The following IP6K1 variants were observed in gnomAD, a reference collection of about 807,000 sequenced individuals.
The protein encoded by IP6K1 is ATP:1D-myo-inositol-hexakisphosphate phosphotransferase.
IP6K1 carries 13 observed loss-of-function variants against 38.3 expected under a neutral mutation model. The observed-to-expected ratio is 0.34, with a 90% confidence interval of 0.22 to 0.54. The LOEUF (loss-of-function observed/expected upper bound fraction) is 0.54, where lower values mean the gene tolerates loss of function less well. Ranked by LOEUF, IP6K1 falls within the 20% of genes least tolerant of loss-of-function variation. IP6K1 has a pLI of 0.92. For missense variants in IP6K1, 397 were observed against 599.8 expected, an observed-to-expected ratio of 0.66 and a Z score of 3.53; for synonymous variants, 212 against 229.9, an observed-to-expected ratio of 0.92 and a Z score of 0.70.
intron 5 of IP6K1, 69 bp downstream of exon 5, chr3:49,728,034 C>T: frequency 6.7e-7 from 1 of 1,487,166 alleles, no homozygotes; most frequent in Non-Finnish European, 9.2e-7. Context: ...GCATAGATGG[C>T]AGGCAGGTAT....
chr3:49,727,674 GAC>G lies in IP6K1; in HGVS notation c.793-21_793-20del, dbSNP rs937097475. The G allele has an allele frequency of 1.9e-6, 3 of 1,606,882 alleles. No individual in the cohort carries two copies. The African/African-American group carries it at 4.0e-5, about 21-fold the overall frequency. ...GGTACACCTGAAACCCCAGGAGGCA[GAC>G]AGGGTGAGTGCCAGGGAAGTCTGAA... On this transcript the variant is annotated intron_variant, in intron 5 of 5. Transcript: ENST00000321599. This position sits in a 1 kb window ranked among gnomAD's most constrained non-coding sequence, Gnocchi z 5.9.
rs1481349663 is a variant in IP6K1 at position 49,725,134 on chromosome 3, C to G, written c.*1988G>C. 1 of 152,696 alleles carries G rather than the reference C, an allele frequency of 6.5e-6. No individual in the cohort carries two copies. Among genetic ancestry groups the G allele is most frequent in the African/African-American group, 2.4e-5 (1 of 41,446 alleles). 9.5% of individuals were successfully genotyped at this position (152,696 alleles called of 1,614,324 possible). ...CAGCAGCAAATCCCAGGCCTTCCCA[C>G]TCTTTGTAGTGCCAGGAAAATACTG... is the stretch of plus-strand genomic sequence containing the variant. On this transcript the variant is annotated 3_prime_UTR_variant, in exon 6 of 6. Coordinates refer to ENST00000321599, the MANE Select transcript of IP6K1 (RefSeq NM_153273.4).
At chr3:49,786,031 G>A (rs1350282919) in intron 1 of IP6K1, 1 of 152,298 alleles carries the variant, frequency 6.6e-6, no homozygotes, top group African/African-American at 2.4e-5. Context: ...TAACTCCCAG[G>A]AGAGCATCAG....
At chr3:49,779,890 G>T (rs2081050133) in intron 1 of IP6K1, among the ~76,000 whole-genome samples, 1 of 151,846 alleles carries the variant, frequency 6.6e-6, no homozygotes, top group Non-Finnish European at 1.5e-5. Context: ...GTCTCACTAT[G>T]TTGCCCAGGC....
At chr3:49,744,899 C>A (rs1284146230) in intron 2 of IP6K1, among the ~76,000 whole-genome samples, 1 of 152,176 alleles carries the variant, frequency 6.6e-6, no homozygotes, top group African/African-American at 2.4e-5. Context: ...TATTTCATAT[C>A]TTGGCAGGTT....
rs1462530619 is a variant in IP6K1, at chr3:49,727,328, G to A, written c.1120C>T (p.Pro374Ser). 5.6e-6 allele frequency: 9 copies of A among 1,614,086 alleles called. No homozygotes were observed. The highest frequency in any genetic ancestry group is 7.6e-6 in the Non-Finnish European group (9 of 1,180,014). The change falls in exon 6 of 6, where the codon CCC becomes TCC. Residue 374 changes from proline (P) to serine (S), a missense_variant. By Grantham distance (74) the Pro-to-Ser change is moderately conservative. Coordinates refer to ENST00000321599, the MANE Select transcript of IP6K1 (RefSeq NM_153273.4). This position sits in a 1 kb window ranked among gnomAD's most constrained non-coding sequence, Gnocchi z 5.9. ...VLPEVASSCG[P>S]STSPSNTSPE... ...CTGGTGTTGCTGGGGCTGGTGCTGGGGCCACAGGATGACGCCACCTCAGGG... is the reference window on the plus strand; with the variant it reads ...CTGGTGTTGCTGGGGCTGGTGCTGGAGCCACAGGATGACGCCACCTCAGGG...
chr3:49,761,743 C>T (rs2080869916), intron 1 of IP6K1, among the ~76,000 whole-genome samples: 4 of 151,956 alleles, frequency 2.6e-5, no homozygotes. Flanking sequence ...GACTTGAGGC[C>T]AGGAGTTCAA....
intron 3 of IP6K1, among the ~76,000 whole-genome samples, chr3:49,737,503 T>C (rs2080623204): frequency 6.6e-6 from 1 of 152,056 alleles, no homozygotes; most frequent in Non-Finnish European, 1.5e-5. Context: ...CTAGCCAACA[T>C]GGTGACACAA....
At chr3:49,732,293 A>T (rs2080569094) in intron 4 of IP6K1, among the ~76,000 whole-genome samples, 1 of 152,108 alleles carries the variant, frequency 6.6e-6, no homozygotes, top group African/African-American at 2.4e-5. Flanking sequence ...ACCAAAGTCA[A>T]ATATATCACC....
intron 1 of IP6K1, among the ~76,000 whole-genome samples, chr3:49,770,161 C>T (rs2080944824): frequency 2.0e-5 from 3 of 152,198 alleles, no homozygotes; most frequent in Non-Finnish European, 2.9e-5. Context: ...ATCACCACTT[C>T]ACTCTAGCCT....
intron 2 of IP6K1, among the ~76,000 whole-genome samples, chr3:49,745,378 T>C (rs2080711272): frequency 1.3e-5 from 2 of 152,056 alleles, no homozygotes; most frequent in African/African-American, 4.8e-5. Context: ...AAAATGAAAT[T>C]TAAAAAGCTT....
At chr3:49,752,749 G>A (rs1056380392) in intron 1 of IP6K1, among the ~76,000 whole-genome samples, 32 of 148,354 alleles carry the variant, frequency 2.2e-4, no homozygotes, top group African/African-American at 6.3e-4. Context: ...GAGCCACTGC[G>A]CCTAGCCTTT....
At chr3:49,775,462 G>T in intron 1 of IP6K1, 1 of 532,020 alleles carries the variant, frequency 1.9e-6, no homozygotes, top group South Asian at 2.6e-5. Flanking sequence ...CGTGTGATCT[G>T]TGGAGGCCCT....
chr3:49,732,727 T>G, intron 4 of IP6K1, 64 bp downstream of exon 4: 1 of 1,380,926 alleles, frequency 7.2e-7, no homozygotes, highest in East Asian at 2.4e-5. Flanking sequence ...ATAGGCAGAA[T>G]GGTGCCCCAA....
At chr3:49,761,316 A>G (rs1037459116) in intron 1 of IP6K1, among the ~76,000 whole-genome samples, 16 of 141,830 alleles carry the variant, frequency 1.1e-4, no homozygotes, top group Non-Finnish European at 1.8e-4. Flanking sequence ...TCCATCTCCA[A>G]AAGAAAAAAC....
intron 2 of IP6K1, among the ~76,000 whole-genome samples, chr3:49,739,636 A>G (rs574745692): frequency 2.0e-5 from 3 of 152,182 alleles, no homozygotes; most frequent in African/African-American, 7.2e-5. Flanking sequence ...TACAGGCGTG[A>G]GCCACCAGGC....
At chr3:49,761,263 G>A (rs866033680) in intron 1 of IP6K1, among the ~76,000 whole-genome samples, 24 of 150,038 alleles carry the variant, frequency 1.6e-4, no homozygotes, top group Middle Eastern at 3.6e-3. Flanking sequence ...TGCAGTGAGC[G>A]GAGATCGTGC....
intron 1 of IP6K1, among the ~76,000 whole-genome samples, chr3:49,774,407 C>CAAAAAAAAAAAAA (rs777187857): frequency 6.8e-5 from 3 of 44,282 alleles, no homozygotes; most frequent in Non-Finnish European, 9.4e-5. Flanking sequence ...GACTCCATCT[C>CAAAAAAAAAAAAA]AAAAAAAAAA....
intron 1 of IP6K1, among the ~76,000 whole-genome samples, chr3:49,771,905 T>G (rs2080962766): frequency 1.3e-5 from 2 of 152,114 alleles, no homozygotes; most frequent in Non-Finnish European, 2.9e-5. Flanking sequence ...AACACTACAC[T>G]GTGTGAAAGA....
Sources: gnomAD v4.1 joint callset for allele counts (sites outside exome capture counted in the v4.1 genomes callset) on GRCh38, gnomAD v4.1.1 for gene constraint, Gnocchi (gnomAD v3.1) non-coding constraint, MANE v1.5 for transcripts, NCBI Gene and HGNC (gene_info 2026-07-23, HGNC 2026-07-21) for gene names.